Variants in SESTD1 observed in about 807,000 individuals in gnomAD.
The protein encoded by SESTD1 is SEC14 and spectrin domain containing 1, also known as SEC14 domain and spectrin repeat-containing protein 1.
Under a neutral mutation model 101.7 loss-of-function variants are expected in SESTD1, and 43 were observed. The observed-to-expected ratio is 0.42, with a 90% CI of 0.33 to 0.55. The LOEUF (loss-of-function observed/expected upper bound fraction) is 0.55. Among genes scored for constraint, SESTD1 ranks in the 20% least tolerant of loss-of-function variants. SESTD1 has a pLI of 0.07. For missense variants in SESTD1, 647 were observed against 815.1 expected (o/e 0.79, Z 2.51); for synonymous variants, 283 against 286.8 (o/e 0.99, Z 0.13).
At chr2:179,164,036 G>A (rs996686710) in intron 5 of SESTD1, among the ~76,000 whole-genome samples, 4 of 152,120 alleles carry the variant, frequency 2.6e-5, no homozygotes, top group East Asian at 1.9e-4. Flanking sequence ...AAGAATGTGC[G>A]TGCAAGATCC....
In SESTD1 at chr2:179,116,832, TTTAC is replaced by T. The variant is rs763799667; in HGVS notation, c.1525-46_1525-43del. The stretch of plus-strand genomic sequence containing the variant: ...AACAATGAAGCTGGATTCAGAACTC[TTTAC>T]TTATTGTATCAAAATGTCATTTATA... On this transcript the variant is annotated intron_variant, in intron 14 of 17. Coordinates refer to ENST00000428443, the MANE Select transcript of SESTD1 (RefSeq NM_178123.5). 16 of 1,594,942 alleles carry T rather than the reference TTTAC, an allele frequency of 1.0e-5. No homozygotes were observed. In the African/African-American group the frequency reaches 1.2e-4, roughly 12 times the overall value.
intron 4 of SESTD1, among the ~76,000 whole-genome samples, chr2:179,172,753 T>A (rs1401087467): frequency 2.0e-5 from 3 of 152,230 alleles, no homozygotes; most frequent in African/African-American, 7.2e-5. Context: ...AATTTCACAT[T>A]TACTTGATAT....
chr2:179,233,358 A>C (rs1243762417), intron 1 of SESTD1, among the ~76,000 whole-genome samples: 1 of 152,220 alleles, frequency 6.6e-6, no homozygotes, highest in African/African-American at 2.4e-5. Context: ...TCCTACTGTT[A>C]AAGGTAGTTA....
intron 7 of SESTD1, among the ~76,000 whole-genome samples, chr2:179,148,976 C>T (rs1443783785): frequency 2.9e-5 from 4 of 135,682 alleles, no homozygotes; most frequent in Non-Finnish European, 6.2e-5. Flanking sequence ...AGGAGAATGG[C>T]GGGAACCCAG....
chr2:179,146,293 G>A (rs1463188416), intron 8 of SESTD1, 109 bp downstream of exon 8: 1 of 1,028,386 alleles, frequency 9.7e-7, no homozygotes, highest in Non-Finnish European at 1.4e-6. Flanking sequence ...ATTTCCCCTT[G>A]AGTTCCTTCC....
intron 1 of SESTD1, among the ~76,000 whole-genome samples, chr2:179,240,778 A>G (rs1016672798): frequency 6.6e-6 from 1 of 151,780 alleles, no homozygotes; most frequent in African/African-American, 2.4e-5. Context: ...AGGAGTGTGA[A>G]GTGAGAGAAA....
At chr2:179,113,967 G>A (rs776243020) in intron 16 of SESTD1, among the ~76,000 whole-genome samples, 2 of 118,352 alleles carry the variant, frequency 1.7e-5, no homozygotes, top group African/African-American at 5.1e-5. Context: ...TACACAGGGT[G>A]GGGGGAGCTT....
chr2:179,156,110 A>G (rs529319737), intron 5 of SESTD1, among the ~76,000 whole-genome samples: 14 of 150,818 alleles, frequency 9.3e-5, no homozygotes, highest in African/African-American at 4.9e-5. Context: ...TCATACGTGT[A>G]TATATATATA....
intron 5 of SESTD1, among the ~76,000 whole-genome samples, chr2:179,156,241 G>A (rs2045629202): frequency 6.6e-6 from 1 of 151,952 alleles, no homozygotes; most frequent in African/African-American, 2.4e-5. Flanking sequence ...TGATTGATGG[G>A]GACTTGGGTT....
At chr2:179,116,410 T>C (rs1460414831) in intron 15 of SESTD1, among the ~76,000 whole-genome samples, 2 of 152,218 alleles carry the variant, frequency 1.3e-5, no homozygotes, top group South Asian at 2.1e-4. Flanking sequence ...GGATGAACAG[T>C]TGGATTGCCT....
chr2:179,115,159 C>T lies in SESTD1; in HGVS notation c.1745G>A (p.Arg582Gln), dbSNP rs753539724. Reference sequence around the variant, plus strand: ...AAATTGTTTCCATACTCTGTTCAGTCGAGGAAGTGTATCCCCAGATGACCG... The same window carrying T: ...AAATTGTTTCCATACTCTGTTCAGTTGAGGAAGTGTATCCCCAGATGACCG... ...TSRSSGDTLP[R>Q]LNRVWKQFTI... The change falls in exon 16 of 18, where the codon CGA becomes CAA. Residue 582 changes from arginine to glutamine, a missense_variant. Transcript: ENST00000428443. 3 of 1,613,950 alleles carry T rather than the reference C, an allele frequency of 1.9e-6. No homozygotes were observed. The highest frequency in any genetic ancestry group is 1.3e-5 in the African/African-American group (1 of 75,006).
intron 1 of SESTD1, among the ~76,000 whole-genome samples, chr2:179,257,142 T>C (rs2047408588): frequency 6.6e-6 from 1 of 151,170 alleles, no homozygotes; most frequent in African/African-American, 2.4e-5. Context: ...TTATTTAAAA[T>C]CAGGACACAT....
intron 5 of SESTD1, among the ~76,000 whole-genome samples, chr2:179,160,567 T>C (rs1011216615): frequency 6.6e-6 from 1 of 151,998 alleles, no homozygotes; most frequent in Non-Finnish European, 1.5e-5. Context: ...TCTAATTAAG[T>C]GACCAATTGA....
chr2:179,224,978 G>T (rs1254113719), intron 1 of SESTD1, among the ~76,000 whole-genome samples: 65 of 152,224 alleles, frequency 4.3e-4, no homozygotes, highest in Non-Finnish European at 1.3e-4. Context: ...CTGAGGAGGG[G>T]GTCACGGGAA....
chr2:179,121,926 A>G lies in SESTD1; in HGVS notation c.1286T>C (p.Val429Ala), dbSNP rs757292303. ...TTTTTCACGCAAACCTTGCAATCCC[A>G]CATCTAAAACAAAAGTTACTAGATT... ...LLEEKLKSVDVGLQGLREKGQ... is the reference protein window; with the variant it reads ...LLEEKLKSVDAGLQGLREKGQ... Residue 429 changes from valine (V) to alanine (A), a missense_variant, in exon 13 of 18, where the codon GTG (valine) becomes GCG (alanine). Val to Ala is a moderately conservative substitution (Grantham distance 64, BLOSUM62 0). Around this residue, in one of 3 missense-constraint regions of SESTD1, gnomAD observed 476 missense variants for 562.6 expected, o/e 0.85. Transcript: ENST00000428443. 1 of 1,594,832 alleles carries G rather than the reference A, an allele frequency of 6.3e-7. No individual in the cohort carries two copies. Among genetic ancestry groups the G allele is most frequent in the Non-Finnish European group, 8.5e-7 (1 of 1,174,284 alleles).
At chr2:179,120,263 C>T (rs1575423848) in intron 13 of SESTD1, among the ~76,000 whole-genome samples, 1 of 151,972 alleles carries the variant, frequency 6.6e-6, no homozygotes, top group South Asian at 2.1e-4. Context: ...ATTACCCAGT[C>T]TCAGGTAGTT....
At chr2:179,152,699 A>T (rs1275701487) in intron 5 of SESTD1, among the ~76,000 whole-genome samples, 1 of 152,188 alleles carries the variant, frequency 6.6e-6, no homozygotes, top group Non-Finnish European at 1.5e-5. Context: ...AAGACACCAA[A>T]AACATTGCAT....
At chr2:179,245,047 G>A (rs751408330) in intron 1 of SESTD1, among the ~76,000 whole-genome samples, 14 of 152,150 alleles carry the variant, frequency 9.2e-5, no homozygotes, top group Non-Finnish European at 1.8e-4. Context: ...CGAAACACAT[G>A]AATCAAAATA....
At chr2:179,229,774 T>TATATATATATATATATATATAA (rs1324308376) in intron 1 of SESTD1, among the ~76,000 whole-genome samples, 1 of 115,042 alleles carries the variant, frequency 8.7e-6, no homozygotes, top group Non-Finnish European at 1.7e-5. Flanking sequence ...TATATATATA[T>TATATATATATATATATATATAA]ACTCAAATAC....
Sources: gnomAD v4.1 joint callset for allele counts (sites outside exome capture counted in the v4.1 genomes callset) on GRCh38, gnomAD v4.1.1 for gene constraint, gnomAD v4.1.1 regional missense constraint, MANE v1.5 for transcripts, NCBI Gene and HGNC (gene_info 2026-07-23, HGNC 2026-07-21) for gene names.